The following TENM3 variants were observed in gnomAD, a reference collection of about 807,000 sequenced individuals.
TENM3 encodes the protein teneurin-3.
In TENM3, 63 loss-of-function variants were observed where a neutral mutation model predicts 255.1. The ratio of observed to expected loss-of-function variants is 0.25; its 90% CI spans 0.20 to 0.30. The LOEUF (loss-of-function observed/expected upper bound fraction) is 0.30, where lower values mean the gene tolerates loss of function less well. Ranked by LOEUF, TENM3 falls within the 10% of genes least tolerant of loss-of-function variation. TENM3 has a pLI of 1.00. For missense variants in TENM3, 2,929 were observed against 3,461.1 expected (o/e 0.85, Z 3.86); for synonymous variants, 1,306 against 1,322.3 (o/e 0.99, Z 0.27).
At chr4:181,448,071 C>A in the TENM3 span, among the ~76,000 whole-genome samples, 11 of 151,330 alleles carry the variant, frequency 7.3e-5, no homozygotes, top group Admixed American at 6.6e-5. Flanking sequence ...GTGTCTTCAA[C>A]CTTACCATCG....
At chr4:182,769,774 ACT>A (rs148902815) in intron 22 of TENM3, among the ~76,000 whole-genome samples, 4,087 of 149,410 alleles carry the variant, frequency 0.027, 154 homozygotes, top group African/African-American at 0.088. Flanking sequence ...ACAGAGCAAG[ACT>A]CTGTCTCAAA....
the TENM3 span, among the ~76,000 whole-genome samples, chr4:181,927,203 A>G: frequency 6.6e-6 from 1 of 152,172 alleles, no homozygotes; most frequent in Non-Finnish European, 1.5e-5. Flanking sequence ...CCAGGGAGCC[A>G]AGTGGTCTAC....
intron 1 of TENM3, among the ~76,000 whole-genome samples, chr4:182,232,024 C>T (rs935708907): frequency 2.6e-5 from 4 of 152,192 alleles, no homozygotes; most frequent in Non-Finnish European, 4.4e-5. Flanking sequence ...ACTAGAGGTA[C>T]AATTAAACAC....
chr4:182,572,063 G>A (rs983064572), intron 3 of TENM3, among the ~76,000 whole-genome samples: 3 of 152,024 alleles, frequency 2.0e-5, no homozygotes, highest in Admixed American at 6.6e-5. Context: ...CACCACGCCC[G>A]GCTCATTTTT....
intron 3 of TENM3, among the ~76,000 whole-genome samples, chr4:182,558,003 G>C (rs1391953910): frequency 6.6e-6 from 1 of 152,130 alleles, no homozygotes; most frequent in East Asian, 1.9e-4. Context: ...GAAAGAGAGA[G>C]AACTTGCCCG....
intron 2 of TENM3, among the ~76,000 whole-genome samples, chr4:182,333,266 A>T (rs1763896545): frequency 1.3e-5 from 2 of 152,256 alleles, no homozygotes; most frequent in Non-Finnish European, 2.9e-5. Flanking sequence ...AAGAAATCAT[A>T]CATAAATTGC....
chr4:181,871,674 T>C, the TENM3 span, among the ~76,000 whole-genome samples: 1 of 152,128 alleles, frequency 6.6e-6, no homozygotes, highest in Admixed American at 6.5e-5. Flanking sequence ...TATTTTGTTA[T>C]TAAGTTTGAC....
the TENM3 span, among the ~76,000 whole-genome samples, chr4:181,876,362 C>G: frequency 6.6e-6 from 1 of 152,104 alleles, no homozygotes; most frequent in Non-Finnish European, 1.5e-5. Context: ...ATGGGGAACA[C>G]CTTTCATTAA....
chr4:182,577,574 A>G (rs80210333), intron 3 of TENM3, among the ~76,000 whole-genome samples: 1,669 of 152,344 alleles, frequency 0.011, 40 homozygotes, highest in African/African-American at 0.038. Context: ...CTAATCATCA[A>G]GTAAGAAACC....
intron 26 of TENM3, among the ~76,000 whole-genome samples, chr4:182,795,275 C>T (rs1474737967): frequency 2.0e-5 from 3 of 152,148 alleles, no homozygotes; most frequent in East Asian, 1.9e-4. Flanking sequence ...TTTGGCAGTA[C>T]TTTTCAATAC....
upstream of TENM3, among the ~76,000 whole-genome samples, chr4:182,240,145 T>A (rs1465764966): frequency 6.6e-6 from 1 of 152,192 alleles, no homozygotes; most frequent in African/African-American, 2.4e-5. Context: ...ATTAAACTCA[T>A]GATTTATGAA....
At chr4:182,588,649 A>C (rs535923236) in intron 3 of TENM3, among the ~76,000 whole-genome samples, 1 of 152,198 alleles carries the variant, frequency 6.6e-6, no homozygotes, top group African/African-American at 2.4e-5. Context: ...TAAAATGGGT[A>C]GAAGAATATC....
At chr4:182,428,791 C>T (rs1771419266) in intron 3 of TENM3, among the ~76,000 whole-genome samples, 1 of 151,906 alleles carries the variant, frequency 6.6e-6, no homozygotes, top group African/African-American at 2.4e-5. Context: ...TTTAATTTCT[C>T]CAAGAAATAA....
In TENM3 at chr4:182,359,328, G is replaced by A. The variant is rs539122818; in HGVS notation, c.511+12399G>A. ...CCTCCTTGCACCTCTGGGAGAATTCGGCTGTGAATCCATCTGGTCCTGGAC... is the reference window on the plus strand; with the variant it reads ...CCTCCTTGCACCTCTGGGAGAATTCAGCTGTGAATCCATCTGGTCCTGGAC... On this transcript the variant is annotated intron_variant, in intron 3 of 27. Coordinates refer to ENST00000511685, the MANE Select transcript of TENM3 (RefSeq NM_001080477.4). Among the ~76,000 whole-genome samples, 867 of 152,066 alleles carry A rather than the reference G, an allele frequency of 5.7e-3. 17 individuals carry two copies. Among genetic ancestry groups the A allele is most frequent in the Middle Eastern group, 0.017 (5 of 294 alleles).
At chr4:181,722,827 A>T in the TENM3 span, among the ~76,000 whole-genome samples, 96 of 152,224 alleles carry the variant, frequency 6.3e-4, no homozygotes, top group African/African-American at 2.2e-3. Flanking sequence ...TAATGGCTGC[A>T]GGTACTCAAC....
chr4:182,655,992 T>A (rs948249930), intron 6 of TENM3, among the ~76,000 whole-genome samples: 1 of 152,206 alleles, frequency 6.6e-6, no homozygotes, highest in Admixed American at 6.5e-5. Context: ...TTATGAAATA[T>A]TGTGCTCTGT....
At chr4:182,678,176 A>G (rs1057434682) in intron 7 of TENM3, among the ~76,000 whole-genome samples, 15 of 152,196 alleles carry the variant, frequency 9.9e-5, no homozygotes, top group African/African-American at 3.6e-4. Flanking sequence ...CCTTGAAACT[A>G]CATTGGAAAG....
chr4:181,893,930 A>G, the TENM3 span, among the ~76,000 whole-genome samples: 2 of 152,194 alleles, frequency 1.3e-5, no homozygotes, highest in Non-Finnish European at 2.9e-5. Context: ...TTTATTGCTC[A>G]TAAAACTACC....
At chr4:181,809,733 C>T in the TENM3 span, among the ~76,000 whole-genome samples, 1 of 152,120 alleles carries the variant, frequency 6.6e-6, no homozygotes, top group Admixed American at 6.6e-5. Flanking sequence ...GGAAGAGTCT[C>T]CTGGATTATC....
Sources: gnomAD v4.1 joint callset for allele counts (sites outside exome capture counted in the v4.1 genomes callset) on GRCh38, gnomAD v4.1.1 for gene constraint, MANE v1.5 for transcripts, NCBI Gene and HGNC (gene_info 2026-07-23, HGNC 2026-07-21) for gene names.